Variants in ADAMTSL1 observed in about 807,000 individuals in gnomAD.
The protein encoded by ADAMTSL1 is ADAMTS-like protein 1.
A neutral mutation model predicts 201.8 loss-of-function variants in ADAMTSL1; 126 were observed. The ratio of observed to expected loss-of-function variants is 0.62; its 90% CI spans 0.54 to 0.72. The LOEUF is 0.72. ADAMTSL1 is among the 30% of genes least tolerant of loss of function. The pLI is 0.00. For synonymous variants in ADAMTSL1, 1,121 were observed against 903.4 expected, an observed-to-expected ratio of 1.24 and a Z score of -4.32; for missense variants, 2,679 against 2,277.8, an observed-to-expected ratio of 1.18 and a Z score of -3.59.
At chr9:18,163,318 T>C (rs2132091373) in intron 1 of ADAMTSL1, among the ~76,000 whole-genome samples, 1 of 152,174 alleles carries the variant, frequency 6.6e-6, no homozygotes, top group Non-Finnish European at 1.5e-5. Context: ...TGGAATGTGA[T>C]AAGCTCTAGA....
intron 2 of ADAMTSL1, among the ~76,000 whole-genome samples, chr9:18,283,254 A>G (rs572632037): frequency 3.0e-4 from 45 of 152,246 alleles, no homozygotes; most frequent in African/African-American, 1.0e-3. Context: ...TATTAATATC[A>G]TCTCTCCAGT....
chr9:18,015,808 T>C (rs1209719077), intron 1 of ADAMTSL1, among the ~76,000 whole-genome samples: 1 of 151,776 alleles, frequency 6.6e-6, no homozygotes, highest in African/African-American at 2.4e-5. Flanking sequence ...CCGAGACCAA[T>C]GAGATTAGGA....
At chr9:18,789,049 T>C (rs1452930480) in intron 19 of ADAMTSL1, among the ~76,000 whole-genome samples, 1 of 152,222 alleles carries the variant, frequency 6.6e-6, no homozygotes, top group Admixed American at 6.5e-5. Flanking sequence ...CCTGGTCCCA[T>C]GCACAGCAAA....
At chr9:18,553,866 T>C (rs942284278) in intron 3 of ADAMTSL1, among the ~76,000 whole-genome samples, 8 of 151,892 alleles carry the variant, frequency 5.3e-5, no homozygotes, top group African/African-American at 1.9e-4. Flanking sequence ...TAGTTAGCTA[T>C]GATCTTTGTA....
At chr9:18,103,244 T>C (rs534485194) in intron 1 of ADAMTSL1, among the ~76,000 whole-genome samples, 1 of 152,286 alleles carries the variant, frequency 6.6e-6, no homozygotes, top group South Asian at 2.1e-4. Context: ...GGCTTTTCAT[T>C]GTACATATTT....
intron 26 of ADAMTSL1, among the ~76,000 whole-genome samples, chr9:18,896,115 T>C (rs1829621134): frequency 1.3e-5 from 2 of 152,110 alleles, no homozygotes; most frequent in African/African-American, 4.8e-5. Flanking sequence ...AACCAACATA[T>C]ACATTTTGAG....
At chr9:18,014,879 G>T (rs1476619790) in intron 1 of ADAMTSL1, among the ~76,000 whole-genome samples, 1 of 151,938 alleles carries the variant, frequency 6.6e-6, no homozygotes, top group Admixed American at 6.6e-5. Flanking sequence ...CTTACTCTGT[G>T]GGGGCTCCCC....
At chr9:18,423,253 G>A (rs1472662558) in intron 2 of ADAMTSL1, among the ~76,000 whole-genome samples, 1 of 152,084 alleles carries the variant, frequency 6.6e-6, no homozygotes, top group East Asian at 1.9e-4. Context: ...TATGTTTTTA[G>A]ATAATAATGG....
intron 14 of ADAMTSL1, among the ~76,000 whole-genome samples, chr9:18,717,549 G>C (rs1833029900): frequency 6.6e-6 from 1 of 152,162 alleles, no homozygotes; most frequent in Non-Finnish European, 1.5e-5. Context: ...ATCTAGAGTA[G>C]TCTACATAGG....
At chr9:18,046,480 T>C (rs59810470) in intron 1 of ADAMTSL1, among the ~76,000 whole-genome samples, 2,690 of 152,256 alleles carry the variant, frequency 0.018, 58 homozygotes, top group South Asian at 0.081. Flanking sequence ...CCACTTCTAT[T>C]CACATTTAAC....
chr9:18,445,178 A>G (rs1440178757), intron 2 of ADAMTSL1, among the ~76,000 whole-genome samples: 13 of 152,150 alleles, frequency 8.5e-5, no homozygotes, highest in Admixed American at 7.2e-4. Context: ...GATTGTTCTG[A>G]CAGTGATAAC....
intron 2 of ADAMTSL1, among the ~76,000 whole-genome samples, chr9:18,186,333 C>T (rs967997652): frequency 2.6e-5 from 4 of 152,126 alleles, no homozygotes; most frequent in African/African-American, 9.7e-5. Context: ...CTATAACCTT[C>T]CTATAAACTT....
chr9:18,890,070 C>G (rs1394251755), intron 25 of ADAMTSL1, among the ~76,000 whole-genome samples: 1 of 152,182 alleles, frequency 6.6e-6, no homozygotes, highest in Non-Finnish European at 1.5e-5. Context: ...CTACAGTAAT[C>G]AACTGACTCT....
At chr9:17,980,521 G>A (rs529575379) in intron 1 of ADAMTSL1, among the ~76,000 whole-genome samples, 198 of 151,608 alleles carry the variant, frequency 1.3e-3, no homozygotes, top group Middle Eastern at 0.01. Flanking sequence ...CAAATCTTCT[G>A]TGTCATCTGT....
At chr9:18,740,458 TTTTTTTTTTTTTCTTTTA>T (rs1818758759) in intron 15 of ADAMTSL1, among the ~76,000 whole-genome samples, 2 of 31,356 alleles carry the variant, frequency 6.4e-5, no homozygotes, top group African/African-American at 2.0e-4. Flanking sequence ...TGTTCCTTTC[TTTTTTTTTTTTTCTTTTA>T]TCTTTTTTTT....
intron 1 of ADAMTSL1, among the ~76,000 whole-genome samples, chr9:18,065,736 T>C (rs1399687476): frequency 1.3e-5 from 2 of 152,084 alleles, no homozygotes; most frequent in Non-Finnish European, 2.9e-5. Flanking sequence ...ATCCCAGCAC[T>C]TTGGGAGGCC....
chr9:17,957,226 T>A (rs1392895126), intron 1 of ADAMTSL1, among the ~76,000 whole-genome samples: 1 of 152,188 alleles, frequency 6.6e-6, no homozygotes, highest in African/African-American at 2.4e-5. Flanking sequence ...ACCCTCAGTC[T>A]GAGAAACGCA....
At chr9:18,279,578 G>A (rs1832707151) in intron 2 of ADAMTSL1, among the ~76,000 whole-genome samples, 1 of 150,750 alleles carries the variant, frequency 6.6e-6, no homozygotes, top group East Asian at 2.0e-4. Flanking sequence ...TCACCAATCG[G>A]GGAAACATGA....
chr9:18,848,414 G>T (rs1487692533), intron 23 of ADAMTSL1, among the ~76,000 whole-genome samples: 2 of 152,180 alleles, frequency 1.3e-5, no homozygotes, highest in African/African-American at 4.8e-5. Flanking sequence ...GACATTCAAG[G>T]TTCTTTGCTA....
Sources: allele counts gnomAD v4.1 joint callset (sites outside exome capture counted in the v4.1 genomes callset), GRCh38; gene constraint gnomAD v4.1.1; transcripts MANE v1.5; gene names NCBI Gene and HGNC (gene_info 2026-07-23, HGNC 2026-07-21).